Variants in ARMC9 observed in about 807,000 individuals in gnomAD.
ARMC9 encodes the protein armadillo repeat containing 9.
A neutral mutation model predicts 107.0 loss-of-function variants in ARMC9; 94 were observed. The observed-to-expected ratio is 0.88, with a 90% CI of 0.74 to 1.04. The LOEUF is 1.04. ARMC9 is among the 50% of genes least tolerant of loss of function. ARMC9 has a pLI of 0.00. For missense variants in ARMC9, 942 were observed against 1,030.1 expected, an observed-to-expected ratio of 0.91 and a Z score of 1.17; for synonymous variants, 380 against 396.9, an observed-to-expected ratio of 0.96 and a Z score of 0.51.
chr2:231,363,883 C>CAAA (rs1176736980), intron 23 of ARMC9, among the ~76,000 whole-genome samples: 4 of 16,282 alleles, frequency 2.5e-4, no homozygotes, highest in Non-Finnish European at 3.9e-4. Context: ...GACTCCGTCT[C>CAAA]AAAAAAAAAA....
At chr2:231,348,499 GA>G (rs1471982959) in intron 21 of ARMC9, among the ~76,000 whole-genome samples, 2 of 152,300 alleles carry the variant, frequency 1.3e-5, no homozygotes, top group Admixed American at 1.3e-4. Flanking sequence ...AAACATTGGG[GA>G]ATGTCTCCAG....
At chr2:231,268,246 G>A (rs1449562037) in intron 12 of ARMC9, among the ~76,000 whole-genome samples, 1 of 152,160 alleles carries the variant, frequency 6.6e-6, no homozygotes, top group Non-Finnish European at 1.5e-5. Context: ...GTCATGTTCT[G>A]TTTCTTTATC....
At chr2:231,367,410 G>C (rs776867982) in intron 23 of ARMC9, among the ~76,000 whole-genome samples, 12 of 152,270 alleles carry the variant, frequency 7.9e-5, no homozygotes, top group Non-Finnish European at 1.5e-4. Context: ...ATCCCTCCTG[G>C]AATTGCACTG....
intron 17 of ARMC9, among the ~76,000 whole-genome samples, chr2:231,289,000 TC>T (rs2040805737): frequency 1.3e-5 from 2 of 152,230 alleles, no homozygotes; most frequent in South Asian, 4.1e-4. Context: ...TTTTTATGCA[TC>T]TGGATTATTC....
chr2:231,272,966 C>G lies in ARMC9; in HGVS notation c.1222C>G (p.Leu408Val). 1.2e-6 allele frequency: 2 copies of G among 1,613,846 alleles called. No homozygotes were observed. Among genetic ancestry groups the G allele is most frequent in the Non-Finnish European group, 1.7e-6 (2 of 1,179,886 alleles). Reference protein sequence around the residue: ...FASLAEGRLYLAQNTKVLQML... With the variant: ...FASLAEGRLYVAQNTKVLQML... ...TGGTGTATTATCAGGTCGCCTCTACCTTGCCCAGAACACAAAGGTGCTGCA... is the reference window on the plus strand; with the variant it reads ...TGGTGTATTATCAGGTCGCCTCTACGTTGCCCAGAACACAAAGGTGCTGCA... Residue 408 changes from leucine (L) to valine (V), a missense_variant, in exon 14 of 25, where the codon CTT (leucine) becomes GTT (valine). Transcript: ENST00000611582.
rs186024893 is a variant in ARMC9, at chr2:231,250,577, A to G, written c.880-6009A>G. On this transcript the variant is annotated intron_variant, in intron 9 of 24. Coordinates refer to ENST00000611582, the MANE Select transcript of ARMC9 (RefSeq NM_001352754.2). ...CCCATGCTCCCAGAGGGGAGGGTAG[A>G]CGGTGATGCTGGAAATGGTCCCTGA... Among the ~76,000 whole-genome samples, 3 of 152,250 alleles carry G rather than the reference A, an allele frequency of 2.0e-5. No homozygotes were observed. In the East Asian group the frequency reaches 5.8e-4, roughly 29 times the overall value.
chr2:231,318,700 T>C (rs1308214246), intron 19 of ARMC9, among the ~76,000 whole-genome samples: 3 of 152,246 alleles, frequency 2.0e-5, no homozygotes, highest in Non-Finnish European at 4.4e-5. Context: ...GCTTAAGTTG[T>C]TGCCTGCCAT....
chr2:231,219,532 C>T (rs139999207), intron 5 of ARMC9, among the ~76,000 whole-genome samples: 202 of 152,278 alleles, frequency 1.3e-3, no homozygotes, highest in African/African-American at 4.7e-3. Flanking sequence ...GTCTAATTGC[C>T]GTTCCTTTGA....
At chr2:231,309,577 C>T (rs1166414367) in intron 19 of ARMC9, among the ~76,000 whole-genome samples, 2 of 152,056 alleles carry the variant, frequency 1.3e-5, no homozygotes, top group East Asian at 1.9e-4. Context: ...AAATGCTTAG[C>T]GTCTGGGTCT....
intron 1 of ARMC9, 129 bp from the exon 2 acceptor site, chr2:231,206,069 T>A: frequency 1.5e-6 from 1 of 663,364 alleles, no homozygotes; most frequent in Non-Finnish European, 2.7e-6. Context: ...TAACCTCACG[T>A]ATTCACAGGT....
chr2:231,339,408 A>G, intron 20 of ARMC9, among the ~76,000 whole-genome samples: 1 of 152,310 alleles, frequency 6.6e-6, no homozygotes, highest in Non-Finnish European at 1.5e-5. Context: ...AAAAAATAAT[A>G]CAAAAGAAAA....
At chr2:231,305,985 C>G (rs2042015829) in intron 19 of ARMC9, among the ~76,000 whole-genome samples, 1 of 152,212 alleles carries the variant, frequency 6.6e-6, no homozygotes, top group South Asian at 2.1e-4. Context: ...CAAAATTGCA[C>G]TCCAACTTAA....
intron 19 of ARMC9, among the ~76,000 whole-genome samples, chr2:231,313,724 A>G (rs958218468): frequency 1.3e-5 from 2 of 151,404 alleles, no homozygotes; most frequent in African/African-American, 2.4e-5. Context: ...GAGATTTTAT[A>G]TCGTATGCAT....
At chr2:231,361,640 C>T (rs927683335) in intron 23 of ARMC9, among the ~76,000 whole-genome samples, 1 of 152,064 alleles carries the variant, frequency 6.6e-6, no homozygotes, top group Non-Finnish European at 1.5e-5. Context: ...CTGGAGAAAC[C>T]TGCTCAGGGA....
At chr2:231,349,872 AAG>A (rs560277240) in intron 21 of ARMC9, among the ~76,000 whole-genome samples, 95 of 152,264 alleles carry the variant, frequency 6.2e-4, no homozygotes, top group African/African-American at 2.2e-3. Context: ...AAATAACTAA[AAG>A]AGTATGATTG....
chr2:231,291,927 G>A (rs754460726), intron 18 of ARMC9, among the ~76,000 whole-genome samples: 5 of 151,910 alleles, frequency 3.3e-5, no homozygotes, highest in Admixed American at 2.0e-4. Flanking sequence ...CCAGCACTTT[G>A]AGAGGCCGAG....
intron 19 of ARMC9, among the ~76,000 whole-genome samples, chr2:231,301,075 G>GGTAT (rs1427041627): frequency 6.6e-6 from 1 of 152,102 alleles, no homozygotes; most frequent in Non-Finnish European, 1.5e-5. Flanking sequence ...AGTACACGGA[G>GGTAT]GTATGTACTA....
At position 231,362,912 on chromosome 2, in the gene ARMC9, G is replaced by A. The variant is rs1448640441; in HGVS notation, c.2261+2029G>A. The A allele has an allele frequency of 1.3e-5, 2 of 154,044 alleles. No individual in the cohort carries two copies. Among genetic ancestry groups the A allele is most frequent in the Admixed American group, 6.5e-5 (1 of 15,290 alleles). The allele number at this position is 154,044 out of a possible 1,614,324, so 9.5% of individuals were successfully genotyped here. Reference sequence around the variant, plus strand: ...GTCACGCCCTTCTGCCAGGCTCACAGAAGCCACAGTCCCTCCACGGGGCGG... The same window carrying A: ...GTCACGCCCTTCTGCCAGGCTCACAAAAGCCACAGTCCCTCCACGGGGCGG... On this transcript the variant is annotated intron_variant, in intron 23 of 24. Coordinates refer to ENST00000611582, the MANE Select transcript of ARMC9 (RefSeq NM_001352754.2). The surrounding 1 kb of genome is among the most constrained non-coding windows in gnomAD (Gnocchi z 4.7).
In ARMC9 at chr2:231,360,659, G is replaced by A. The variant is rs891141822; in HGVS notation, c.2132-95G>A. The A allele has an allele frequency of 9.2e-6, 14 of 1,526,228 alleles. No homozygotes were observed. Among genetic ancestry groups the A allele is most frequent in the Middle Eastern group, 1.7e-4 (1 of 5,752 alleles). The allele number at this position is 1,526,228 out of a possible 1,614,324, so 94.5% of individuals were successfully genotyped here. A position where few individuals can be genotyped will look rare whatever the true frequency, so the allele number is the denominator to read the frequency against. On this transcript the variant is annotated intron_variant, in intron 22 of 24. Transcript: ENST00000611582. The surrounding 1 kb of genome is among the most constrained non-coding windows in gnomAD (Gnocchi z 4.7). ...GCCCGCAGGGCCTGGCCTGGGGTGC[G>A]TGCTTTTCTTGGCTTTCCAACCCAG...
Sources: gnomAD v4.1 joint callset for allele counts (sites outside exome capture counted in the v4.1 genomes callset) on GRCh38, gnomAD v4.1.1 for gene constraint, Gnocchi (gnomAD v3.1) non-coding constraint, MANE v1.5 for transcripts, NCBI Gene and HGNC (gene_info 2026-07-23, HGNC 2026-07-21) for gene names.